The following CNOT6 variants were observed in gnomAD, a reference collection of about 807,000 sequenced individuals.
CNOT6 encodes carbon catabolite repression 4 protein.
CNOT6 carries 12 observed loss-of-function variants against 61.2 expected under a neutral mutation model. The ratio of observed to expected loss-of-function variants is 0.20; its 90% CI spans 0.13 to 0.32. CNOT6 has a LOEUF of 0.32. Among genes scored for constraint, CNOT6 ranks in the 10% least tolerant of loss-of-function variants. CNOT6 has a pLI of 1.00. For missense variants in CNOT6, 405 were observed against 663.9 expected (o/e 0.61, Z 4.28); for synonymous variants, 225 against 240.6 (o/e 0.94, Z 0.60).
At chr5:180,530,533 G>A (rs560221168) in intron 2 of CNOT6, among the ~76,000 whole-genome samples, 9 of 150,722 alleles carry the variant, frequency 6.0e-5, no homozygotes, top group African/African-American at 1.9e-4. Context: ...ACACACACGG[G>A]TCTCTCCTGT....
At position 180,574,229 on chromosome 5, in the gene CNOT6, T is replaced by C; in HGVS notation, c.*29T>C. The C allele has an allele frequency of 6.3e-7, 1 of 1,576,584 alleles. No individual in the cohort carries two copies. Among genetic ancestry groups the C allele is most frequent in the African/African-American group, 1.3e-5 (1 of 74,156 alleles). On this transcript the variant is annotated 3_prime_UTR_variant, in exon 12 of 12. Coordinates refer to ENST00000261951, the MANE Select transcript of CNOT6 (RefSeq NM_001370472.1). ...AGCACCTTCAGAGGACAGCCTTGAT[T>C]CACTTGTAAACTTGTGAAAATCTGA...
chr5:180,538,353 A>T (rs1306640241), intron 2 of CNOT6, among the ~76,000 whole-genome samples: 2 of 133,052 alleles, frequency 1.5e-5, no homozygotes, highest in African/African-American at 5.1e-5. Context: ...CATCATCTTT[A>T]TTAAAAAATA....
chr5:180,496,813 T>G (rs569271066), intron 1 of CNOT6, among the ~76,000 whole-genome samples: 8 of 152,334 alleles, frequency 5.3e-5, no homozygotes, highest in Middle Eastern at 3.4e-3. Context: ...ATTTCCATAG[T>G]GTCTTGATAG....
chr5:180,573,552 AGTGTGTGTGTGTGT>A (rs755954581), intron 11 of CNOT6, among the ~76,000 whole-genome samples: 66 of 119,266 alleles, frequency 5.5e-4, no homozygotes, highest in African/African-American at 1.9e-3. Flanking sequence ...GGAGGGGGGC[AGTGTGTGTGTGTGT>A]GTGTGTGTGT....
intron 2 of CNOT6, among the ~76,000 whole-genome samples, chr5:180,537,879 G>T (rs1758792227): frequency 6.7e-6 from 1 of 149,086 alleles, no homozygotes; most frequent in Non-Finnish European, 1.5e-5. Context: ...GTATAAGAAA[G>T]TGACTAACTT....
chr5:180,511,530 G>T (rs1348559159), intron 1 of CNOT6, among the ~76,000 whole-genome samples: 7 of 152,054 alleles, frequency 4.6e-5, no homozygotes, highest in Admixed American at 3.9e-4. Flanking sequence ...AGAATCACTT[G>T]AACCCGGGAG....
intron 4 of CNOT6, among the ~76,000 whole-genome samples, chr5:180,558,919 C>T (rs1318471783): frequency 6.6e-6 from 1 of 152,174 alleles, no homozygotes; most frequent in African/African-American, 2.4e-5. Context: ...GGTGGGACTA[C>T]AAGCACTTTA....
At chr5:180,497,646 T>C (rs937918554) in intron 1 of CNOT6, among the ~76,000 whole-genome samples, 33 of 152,148 alleles carry the variant, frequency 2.2e-4, no homozygotes, top group African/African-American at 8.0e-4. Flanking sequence ...TATGTTTTAC[T>C]GGGAAAACCA....
chr5:180,498,709 G>T (rs1005523777), intron 1 of CNOT6, among the ~76,000 whole-genome samples: 1 of 152,224 alleles, frequency 6.6e-6, no homozygotes, highest in Non-Finnish European at 1.5e-5. Flanking sequence ...GGAGCAAGGC[G>T]ATTTGGAGGT....
chr5:180,564,740 A>G lies in CNOT6; in HGVS notation c.556A>G (p.Thr186Ala), dbSNP rs749072986. 1.2e-6 allele frequency: 2 copies of G among 1,611,386 alleles called. No homozygotes were observed. The highest frequency in any genetic ancestry group is 2.2e-5 in the South Asian group (2 of 91,006). ...ACAAGAACCAGATAGGACAAGGCCA[A>G]CTGGTTGGTAGTCTTTTATTTTTTA... ...MLQEPDRTRP[T>A]ALFSVMCYNV... Residue 186 changes from threonine (T) to alanine (A), a missense_variant, in exon 6 of 12, where the codon ACT becomes GCT. Physicochemically the swap from Thr to Ala is moderately conservative, Grantham distance 58. Transcript: ENST00000261951.
chr5:180,554,434 G>C (rs2127749803), intron 4 of CNOT6, among the ~76,000 whole-genome samples: 1 of 148,624 alleles, frequency 6.7e-6, no homozygotes, highest in East Asian at 2.0e-4. Flanking sequence ...AAAAAAAAAA[G>C]GAATTGCACT....
chr5:180,561,525 C>G (rs1340595529), intron 4 of CNOT6, among the ~76,000 whole-genome samples: 1 of 151,870 alleles, frequency 6.6e-6, no homozygotes, highest in Non-Finnish European at 1.5e-5. Flanking sequence ...ATCTTCGTGT[C>G]TTGGTGTGAT....
At chr5:180,499,288 T>C (rs11744382) in intron 1 of CNOT6, among the ~76,000 whole-genome samples, 40,988 of 152,192 alleles carry the variant, frequency 0.27, 6,153 homozygotes, top group Middle Eastern at 0.41. Context: ...TGAGAATACT[T>C]GTCTTCTGAG....
intron 2 of CNOT6, among the ~76,000 whole-genome samples, chr5:180,538,448 GACTAAGGGAGGCCGATTA>G (rs1307225282): frequency 6.6e-6 from 1 of 150,682 alleles, no homozygotes; most frequent in African/African-American, 2.4e-5. Flanking sequence ...CACTTTGGGA[GACTAAGGGAGGCCGATTA>G]CCTGAGCTCA....
At chr5:180,503,388 C>T (rs1290963596) in intron 1 of CNOT6, among the ~76,000 whole-genome samples, 4 of 151,634 alleles carry the variant, frequency 2.6e-5, no homozygotes, top group South Asian at 2.1e-4. Context: ...CTCAGCTTCC[C>T]GAGCAGCTGG....
Position 180,569,550 on chromosome 5 carries a change from T to C in CNOT6, c.1258+210T>C, listed in dbSNP as rs112763540. On this transcript the variant is annotated intron_variant, in intron 10 of 11. Coordinates refer to ENST00000261951, the MANE Select transcript of CNOT6 (RefSeq NM_001370472.1). ...AACTTGAGGAGAAGGATGTTAATCATCTTGAATAAACACATAAGCAATAAC... is the reference window on the plus strand; with the variant it reads ...AACTTGAGGAGAAGGATGTTAATCACCTTGAATAAACACATAAGCAATAAC... Among the ~76,000 whole-genome samples the C allele has an allele frequency of 6.1e-3, 936 of 152,304 alleles. 10 individuals carry two copies. Among genetic ancestry groups the C allele is most frequent in the African/African-American group, 0.022 (901 of 41,562 alleles).
At chr5:180,565,411 AAC>A (rs1182550838) in intron 6 of CNOT6, among the ~76,000 whole-genome samples, 2 of 152,248 alleles carry the variant, frequency 1.3e-5, no homozygotes. Flanking sequence ...TGCATGAATT[AAC>A]AATAGTTGTG....
intron 1 of CNOT6, among the ~76,000 whole-genome samples, chr5:180,528,152 T>A (rs185560393): frequency 9.2e-5 from 14 of 152,320 alleles, no homozygotes; most frequent in Non-Finnish European, 1.8e-4. Context: ...TAACCATTGA[T>A]CATTGCCTAG....
chr5:180,567,594 A>G lies in CNOT6; in HGVS notation c.873-255A>G, dbSNP rs182471951. On this transcript the variant is annotated intron_variant, in intron 8 of 11. Transcript: ENST00000261951. ...ATTACAAGGTAGAATATTCCAACAT[A>G]AAACTTAAACAGAAGATGACTACAT... Among the ~76,000 whole-genome samples, 9 of 152,358 alleles carry G rather than the reference A, an allele frequency of 5.9e-5. No individual in the cohort carries two copies. The East Asian group carries it at 1.5e-3, about 26-fold the overall frequency.
Sources: allele counts gnomAD v4.1 joint callset (sites outside exome capture counted in the v4.1 genomes callset), GRCh38; gene constraint gnomAD v4.1.1; transcripts MANE v1.5; gene names NCBI Gene and HGNC (gene_info 2026-07-23, HGNC 2026-07-21).